Variants in CPA1 observed in about 807,000 individuals in gnomAD.
CPA1 encodes the protein carboxypeptidase A1.
CPA1 carries 42 observed loss-of-function variants against 48.7 expected under a neutral mutation model. That is an observed-to-expected ratio of 0.86 (90% CI 0.67 to 1.11). The LOEUF is 1.11. CPA1 is among the 50% of genes most tolerant of loss of function. The pLI is 0.00. For synonymous variants in CPA1, 203 were observed against 217.9 expected (o/e 0.93, Z 0.60); for missense variants, 477 against 544.7 (o/e 0.88, Z 1.24).
chr7:130,381,883 C>T lies in CPA1; in HGVS notation c.381+20C>T, dbSNP rs1017068673. 9.4e-6 allele frequency: 15 copies of T among 1,602,746 alleles called. No homozygotes were observed. Among genetic ancestry groups the T allele is most frequent in the Admixed American group, 6.7e-5 (4 of 59,786 alleles). On this transcript the variant is annotated intron_variant, in intron 3 of 9. Transcript: ENST00000011292. ...GAGGAGGTGAGGGCGCCCCTAGCGGCCGCTCCCTGCAGCCACCAGCTCTTC... is the reference window on the plus strand; with the variant it reads ...GAGGAGGTGAGGGCGCCCCTAGCGGTCGCTCCCTGCAGCCACCAGCTCTTC...
rs1554411248 is a variant in CPA1 at position 130,381,850 on chromosome 7, A to G, written c.368A>G (p.His123Arg). 1.2e-6 allele frequency: 2 copies of G among 1,613,246 alleles called. No homozygotes were observed. Among genetic ancestry groups the G allele is most frequent in the South Asian group, 1.1e-5 (1 of 91,040 alleles). ...GACACTTTTAACTACGCCACCTACC[A>G]CACCCTGGAGGAGGTGAGGGCGCCC... The part of the protein sequence containing the change: ...STDTFNYATY[H>R]TLEEIYDFLD... Residue 123 changes from histidine to arginine, a missense_variant, in exon 3 of 10, where the codon CAC (histidine) becomes CGC (arginine). Transcript: ENST00000011292.
intron 2 of CPA1, 109 bp downstream of exon 2, chr7:130,381,288 A>G (rs919178575): frequency 2.7e-6 from 2 of 737,500 alleles, no homozygotes; most frequent in Admixed American, 5.5e-5. Flanking sequence ...ACAAGGAGAC[A>G]TGGAATTGAC....
chr7:130,385,976 T>A, intron 9 of CPA1, 53 bp downstream of exon 9: 1 of 1,484,924 alleles, frequency 6.7e-7, no homozygotes, highest in Non-Finnish European at 9.4e-7. Context: ...ATCTGCTGGC[T>A]CTTCCTGACC....
Position 130,384,576 on chromosome 7 carries a change from C to T in CPA1, c.737C>T (p.Ser246Phe), listed in dbSNP as rs376580671. The change falls in exon 7 of 10, where the codon TCC (serine) becomes TTC (phenylalanine). Residue 246 changes from serine to phenylalanine, a missense_variant. Coordinates refer to ENST00000011292, the MANE Select transcript of CPA1 (RefSeq NM_001868.4). ...WRKTRSHTAG[S>F]LCIGVDPNRN... ...AAGACTCGGTCCCACACAGCAGGCT[C>T]CCTCTGTATTGGCGTGGACCCCAAC... 8 of 1,614,116 alleles carry T rather than the reference C, an allele frequency of 5.0e-6. No homozygotes were observed. The African/African-American group carries it at 9.3e-5, about 19-fold the overall frequency.
chr7:130,383,819 G>A, intron 6 of CPA1, 25 bp downstream of exon 6: 4 of 1,540,838 alleles, frequency 2.6e-6, no homozygotes, highest in Non-Finnish European at 3.6e-6. Context: ...CTGTCCTTGG[G>A]GGAAGCAGGA....
At chr7:130,384,328 C>G in intron 6 of CPA1, 1 of 589,316 alleles carries the variant, frequency 1.7e-6, no homozygotes, top group South Asian at 2.0e-5. Flanking sequence ...TGATCTTCCT[C>G]CCCGACAACC....
rs1554411201 is a variant in CPA1 at position 130,381,693 on chromosome 7, A to T, written c.211A>T (p.Ser71Cys). 1 of 1,613,904 alleles carries T rather than the reference A, an allele frequency of 6.2e-7. No homozygotes were observed. The highest frequency in any genetic ancestry group is 1.3e-5 in the African/African-American group (1 of 74,952). Residue 71 changes from serine (S) to cysteine (C), a missense_variant, in exon 3 of 10, where the codon AGC (serine) becomes TGC (cysteine). Transcript: ENST00000011292. ...CATCGACGTCCGAGTGCCCTTCCCCAGCATCCAGGCGGTCAAGATCTTTCT... is the reference window on the plus strand; with the variant it reads ...CATCGACGTCCGAGTGCCCTTCCCCTGCATCCAGGCGGTCAAGATCTTTCT... ...SPIDVRVPFP[S>C]IQAVKIFLES...
chr7:130,385,083 C>T, intron 7 of CPA1, 63 bp from the exon 8 acceptor site: 1 of 1,536,210 alleles, frequency 6.5e-7, no homozygotes, highest in South Asian at 1.1e-5. Flanking sequence ...ATGCAAAGAA[C>T]TGGATTCCAG....
Position 130,387,695 on chromosome 7 carries a change from A to G in CPA1, c.1073-129A>G, listed in dbSNP as rs1470106773. ...GGCTGCTTGGTCAACAGCAGACCTT[A>G]GTAGACACTGACTCCACTCAGCATT... On this transcript the variant is annotated intron_variant, in intron 9 of 9. Transcript: ENST00000011292. This position sits in a 1 kb window ranked among gnomAD's most constrained non-coding sequence, Gnocchi z 4.6. The G allele has an allele frequency of 1.2e-6, 1 of 835,394 alleles. No individual in the cohort carries two copies. 51.7% of individuals were successfully genotyped at this position (835,394 alleles called of 1,614,324 possible).
At chr7:130,386,474 G>T (rs879971937) in intron 9 of CPA1, among the ~76,000 whole-genome samples, 4 of 152,018 alleles carry the variant, frequency 2.6e-5, no homozygotes, top group Non-Finnish European at 4.4e-5. Flanking sequence ...GGAGGTTGCA[G>T]TGAGCCAAGA....
chr7:130,384,425 G>C (rs1308373472), intron 6 of CPA1, 111 bp from the exon 7 acceptor site: 6 of 870,242 alleles, frequency 6.9e-6, no homozygotes, highest in South Asian at 4.5e-5. Flanking sequence ...CCTCCAGGGA[G>C]CCCTCCCCTC....
At position 130,388,042 on chromosome 7, in the gene CPA1, T is replaced by C; in HGVS notation, c.*31T>C. On this transcript the variant is annotated 3_prime_UTR_variant, in exon 10 of 10. Transcript: ENST00000011292. ...CCCTTTGACACCCTTCTTGTCCTCC[T>C]CTCTGGCCCCATCCAGGCAACCAAA... 1 of 1,606,462 alleles carries C rather than the reference T, an allele frequency of 6.2e-7. No homozygotes were observed. Among genetic ancestry groups the C allele is most frequent in the South Asian group, 1.1e-5 (1 of 90,710 alleles).
chr7:130,386,545 C>T (rs1157320855), intron 9 of CPA1, among the ~76,000 whole-genome samples: 1 of 151,868 alleles, frequency 6.6e-6, no homozygotes, highest in Non-Finnish European at 1.5e-5. Context: ...AAAACAAAAA[C>T]AAAAACCACT....
intron 4 of CPA1, among the ~76,000 whole-genome samples, chr7:130,382,732 C>T (rs535669701): frequency 6.6e-6 from 1 of 151,520 alleles, no homozygotes; most frequent in South Asian, 2.1e-4. Context: ...GAACCTCCAC[C>T]TCCTGGGTTC....
Position 130,383,688 on chromosome 7 carries a change from C to T in CPA1, c.590C>T (p.Thr197Ile). The change falls in exon 6 of 10, where the codon ACT becomes ATT. Residue 197 changes from threonine to isoleucine, a missense_variant. Coordinates refer to ENST00000011292, the MANE Select transcript of CPA1 (RefSeq NM_001868.4). The part of the protein sequence containing the change: ...ASGVWFAKKI[T>I]QDYGQDAAFT... ...TCTGCTCCTCTAACCCCCCAGATCACTCAAGACTACGGGCAGGATGCAGCT... is the reference window on the plus strand; with the variant it reads ...TCTGCTCCTCTAACCCCCCAGATCATTCAAGACTACGGGCAGGATGCAGCT... 1 of 1,613,276 alleles carries T rather than the reference C, an allele frequency of 6.2e-7. No individual in the cohort carries two copies. The highest frequency in any genetic ancestry group is 8.5e-7 in the Non-Finnish European group (1 of 1,179,178).
intron 2 of CPA1, 115 bp from the exon 3 acceptor site, chr7:130,381,515 A>G (rs954223592): frequency 6.9e-5 from 51 of 733,866 alleles, no homozygotes; most frequent in East Asian, 1.9e-4. Context: ...CCTATCCCCA[A>G]TTATATGAGA....
rs1796403318 is a variant in CPA1, at chr7:130,381,511, C to T, written c.148-119C>T. On this transcript the variant is annotated intron_variant, in intron 2 of 9. Coordinates refer to ENST00000011292, the MANE Select transcript of CPA1 (RefSeq NM_001868.4). Reference sequence around the variant, plus strand: ...CTGGCCCTATTACCCCTGACCTATCCCCAATTATATGAGAACTTCTGGCAC... The same window carrying T: ...CTGGCCCTATTACCCCTGACCTATCTCCAATTATATGAGAACTTCTGGCAC... 3 of 717,234 alleles carry T rather than the reference C, an allele frequency of 4.2e-6. No homozygotes were observed. The South Asian group carries it at 5.2e-5, about 12-fold the overall frequency. 44.4% of individuals were successfully genotyped at this position (717,234 alleles called of 1,614,324 possible).
chr7:130,384,146 C>T (rs1237828827), intron 6 of CPA1: 5 of 435,364 alleles, frequency 1.1e-5, no homozygotes, highest in Middle Eastern at 6.2e-4. Context: ...CTGCCCCAGA[C>T]CTTACTTCCT....
Position 130,383,678 on chromosome 7 carries a change from C to T in CPA1, c.586-6C>T, listed in dbSNP as rs575540876. ...GCGCTGCCCCTCTGCTCCTCTAACC[C>T]CCCAGATCACTCAAGACTACGGGCA... On this transcript the variant is annotated splice_polypyrimidine_tract_variant and splice_region_variant and intron_variant, in intron 5 of 9. Coordinates refer to ENST00000011292, the MANE Select transcript of CPA1 (RefSeq NM_001868.4). The T allele has an allele frequency of 6.8e-6, 11 of 1,609,318 alleles. 1 individual carries two copies. The South Asian group carries it at 1.2e-4, about 18-fold the overall frequency.
Sources: allele counts gnomAD v4.1 joint callset (sites outside exome capture counted in the v4.1 genomes callset), GRCh38; gene constraint gnomAD v4.1.1; non-coding constraint Gnocchi (gnomAD v3.1); transcripts MANE v1.5; gene names NCBI Gene and HGNC (gene_info 2026-07-23, HGNC 2026-07-21).